FRRS1: variants seen among roughly 807,000 people sequenced by gnomAD.
FRRS1 encodes ferric reductase 1.
Under a neutral mutation model 70.7 loss-of-function variants are expected in FRRS1, and 51 were observed. The observed-to-expected ratio is 0.72, with a 90% CI of 0.58 to 0.91. FRRS1 has a LOEUF of 0.91. FRRS1 is among the 40% of genes least tolerant of loss of function. The probability of loss-of-function intolerance (pLI) is 0.00; values close to 1 mark genes in which losing one functional copy is unlikely to be tolerated. For missense variants in FRRS1, 672 were observed against 726.0 expected (o/e 0.93, Z 0.86); for synonymous variants, 225 against 238.7 (o/e 0.94, Z 0.53).
chr1:99,716,698 A>G (rs562110801), intron 11 of FRRS1, among the ~76,000 whole-genome samples: 1 of 152,276 alleles, frequency 6.6e-6, no homozygotes, highest in South Asian at 2.1e-4. Flanking sequence ...AACAAGCAGT[A>G]TTTTTTTCTA....
chr1:99,761,085 G>T (rs768950614), intron 1 of FRRS1, among the ~76,000 whole-genome samples: 4 of 151,748 alleles, frequency 2.6e-5, no homozygotes. Context: ...TCTAATCACA[G>T]CACCATCAGC....
At chr1:99,712,220 C>T in intron 13 of FRRS1, 57 bp from the exon 14 acceptor site, 1 of 1,194,748 alleles carries the variant, frequency 8.4e-7, no homozygotes, top group Non-Finnish European at 1.2e-6. Context: ...TAATTAATTC[C>T]CACTAGAATA....
chr1:99,717,201 G>C (rs374133446), intron 11 of FRRS1, among the ~76,000 whole-genome samples: 1 of 152,090 alleles, frequency 6.6e-6, no homozygotes, highest in Non-Finnish European at 1.5e-5. Context: ...AGTCCAGCCT[G>C]ACTCTTCCTA....
chr1:99,730,549 T>A (rs773685641), intron 7 of FRRS1, among the ~76,000 whole-genome samples: 1 of 151,874 alleles, frequency 6.6e-6, no homozygotes, highest in Non-Finnish European at 1.5e-5. Context: ...TGGTGAGACT[T>A]CATCCTAAAA....
chr1:99,742,219 A>C lies in FRRS1; in HGVS notation c.388T>G (p.Trp130Gly). The C allele has an allele frequency of 6.2e-7, 1 of 1,612,204 alleles. No homozygotes were observed. Among genetic ancestry groups the C allele is most frequent in the South Asian group, 1.1e-5 (1 of 91,030 alleles). Residue 130 changes from tryptophan to glycine, a missense_variant, in exon 5 of 17, where the codon TGG becomes GGG. Trp to Gly is a radical substitution (Grantham distance 184). Transcript: ENST00000646001. ...TTTGGAGCACTGCTTGGAGCATTCC[A>C]GTAGACTTTAATTTCTGTTTTTTTA... ...ASKKTEIKVY[W>G]NAPSSAPNHT...
chr1:99,730,859 T>C (rs1453782301), intron 7 of FRRS1, among the ~76,000 whole-genome samples: 23 of 100,368 alleles, frequency 2.3e-4, no homozygotes, highest in African/African-American at 3.7e-4. Flanking sequence ...AGAGCGAAAC[T>C]CAGTCTCAAA....
At chr1:99,728,774 T>C in intron 8 of FRRS1, 134 bp from the exon 9 acceptor site, 1 of 583,374 alleles carries the variant, frequency 1.7e-6, no homozygotes, top group Non-Finnish European at 2.9e-6. Flanking sequence ...AGTGTCATTG[T>C]TTTTCCACTT....
chr1:99,742,327 C>T, intron 4 of FRRS1, 54 bp from the exon 5 acceptor site: 1 of 1,045,288 alleles, frequency 9.6e-7, no homozygotes, highest in Non-Finnish European at 1.5e-6. Flanking sequence ...CTCAGCATGG[C>T]TGGAACTTCT....
intron 1 of FRRS1, among the ~76,000 whole-genome samples, chr1:99,757,068 G>A (rs909380146): frequency 1.8e-4 from 26 of 146,980 alleles, no homozygotes; most frequent in Non-Finnish European, 5.9e-5. Context: ...TACATAATTT[G>A]GAAAAGGGTC....
Position 99,742,194 on chromosome 1 carries a change from T to C in FRRS1, c.413A>G (p.Asn138Ser). ...VYWNAPSSAP[N>S]HTQFLVTVVE... ...TTATACTCACAGAAACTGTGTGTGA[T>C]TTGGAGCACTGCTTGGAGCATTCCA... The change falls in exon 5 of 17, where the codon AAT (asparagine) becomes AGT (serine). Residue 138 changes from asparagine (N) to serine (S), a missense_variant. Coordinates refer to ENST00000646001, the MANE Select transcript of FRRS1 (RefSeq NM_001361041.2). 1.2e-6 allele frequency: 2 copies of C among 1,605,406 alleles called. No homozygotes were observed. Among genetic ancestry groups the C allele is most frequent in the Non-Finnish European group, 8.5e-7 (1 of 1,172,080 alleles).
rs1424324696 is a variant in FRRS1, at chr1:99,705,366, G to T, written c.*3662C>A. ...CACAAGGAAGAAAGAAGCAGGATGT[G>T]GATAGGAACTGTGAATATCCTAATC... On this transcript the variant is annotated 3_prime_UTR_variant, in exon 17 of 17. Transcript: ENST00000646001. 6.6e-6 allele frequency among the ~76,000 whole-genome samples: 1 copy of T among 152,190 alleles called. No individual in the cohort carries two copies. The highest frequency in any genetic ancestry group is 2.4e-5 in the African/African-American group (1 of 41,442).
At chr1:99,756,547 A>C (rs2640913) in intron 1 of FRRS1, among the ~76,000 whole-genome samples, 75,153 of 152,046 alleles carry the variant, frequency 0.49, 22,593 homozygotes, top group African/African-American at 0.85. Context: ...TGATGTTAAT[A>C]AAGAGAATAT....
Position 99,715,672 on chromosome 1 carries a change from C to T in FRRS1, c.1237G>A (p.Val413Met). The T allele has an allele frequency of 1.2e-6, 2 of 1,607,584 alleles. No individual in the cohort carries two copies. The highest frequency in any genetic ancestry group is 2.2e-5 in the South Asian group (2 of 90,842). The change falls in exon 12 of 17, where the codon GTG (valine) becomes ATG (methionine). Residue 413 changes from valine (V) to methionine (M), a missense_variant and splice_region_variant. By Grantham distance (21) the Val-to-Met change is conservative (BLOSUM62 1). Coordinates refer to ENST00000646001, the MANE Select transcript of FRRS1 (RefSeq NM_001361041.2). ...GTGGTGAACATGAGCATCCGATGCA[C>T]CTGCAAGGTAAAATGACAAATTAAG... is the stretch of plus-strand genomic sequence containing the variant. ...FLLGEAAWFQ[V>M]HRMLMFTTTV...
intron 4 of FRRS1, among the ~76,000 whole-genome samples, chr1:99,744,969 C>CAAAAAAAAAAA (rs71075450): frequency 5.4e-5 from 5 of 91,746 alleles, no homozygotes; most frequent in Admixed American, 2.5e-4. Flanking sequence ...GACTCCGTCT[C>CAAAAAAAAAAA]AAAAAAAAAA....
intron 9 of FRRS1, among the ~76,000 whole-genome samples, chr1:99,720,985 C>T (rs900100188): frequency 1.3e-5 from 2 of 151,796 alleles, no homozygotes; most frequent in Non-Finnish European, 2.9e-5. Context: ...AAGCTAGTAA[C>T]CCTAAAAATC....
At chr1:99,724,914 CTATTA>C (rs1362585965) in intron 9 of FRRS1, among the ~76,000 whole-genome samples, 1 of 151,570 alleles carries the variant, frequency 6.6e-6, no homozygotes, top group Non-Finnish European at 1.5e-5. Context: ...GTATTAATAT[CTATTA>C]TATCTAATAC....
Position 99,706,495 on chromosome 1 carries a change from T to A in FRRS1, c.*2533A>T, listed in dbSNP as rs545822127. Among the ~76,000 whole-genome samples, 1 of 151,936 alleles carries A rather than the reference T, an allele frequency of 6.6e-6. No homozygotes were observed. Among genetic ancestry groups the A allele is most frequent in the Admixed American group, 6.5e-5 (1 of 15,284 alleles). ...CAAAGACCAAAATAGTGCCAACATA[T>A]GAAGCACTGAAAAAGAAAAAGTTAA... On this transcript the variant is annotated 3_prime_UTR_variant, in exon 17 of 17. Transcript: ENST00000646001.
chr1:99,732,489 G>A (rs1167483274), intron 7 of FRRS1, among the ~76,000 whole-genome samples: 1 of 152,152 alleles, frequency 6.6e-6, no homozygotes, highest in Non-Finnish European at 1.5e-5. Context: ...GACAAATTAT[G>A]TATGGCCAGA....
At chr1:99,753,055 A>C (rs1656647589) in intron 1 of FRRS1, among the ~76,000 whole-genome samples, 1 of 149,138 alleles carries the variant, frequency 6.7e-6, no homozygotes, top group African/African-American at 2.5e-5. Context: ...TCTACAAAAA[A>C]TGAAAAAATT....
Sources: gnomAD v4.1 joint callset for allele counts (sites outside exome capture counted in the v4.1 genomes callset) on GRCh38, gnomAD v4.1.1 for gene constraint, MANE v1.5 for transcripts, NCBI Gene and HGNC (gene_info 2026-07-23, HGNC 2026-07-21) for gene names.